PTPRT: variants seen among roughly 807,000 people sequenced by gnomAD.
The protein encoded by PTPRT is protein tyrosine phosphatase receptor type T.
In PTPRT, 56 loss-of-function variants were observed where a neutral mutation model predicts 176.8. That is an observed-to-expected ratio of 0.32 (90% CI 0.26 to 0.40). PTPRT has a LOEUF of 0.40. Ranked by LOEUF, PTPRT falls within the 10% of genes least tolerant of loss-of-function variation. The pLI, the probability that PTPRT is intolerant of heterozygous loss-of-function variation, is 1.00. For missense variants in PTPRT, 1,540 were observed against 1,908.2 expected (o/e 0.81, Z 3.60); for synonymous variants, 783 against 739.0 (o/e 1.06, Z -0.96).
At chr20:42,986,219 C>CCA (rs1983568392) in intron 1 of PTPRT, among the ~76,000 whole-genome samples, 2 of 152,208 alleles carry the variant, frequency 1.3e-5, no homozygotes, top group South Asian at 4.1e-4. Flanking sequence ...GAAATGGGAG[C>CCA]GGCCTCAAGC....
chr20:42,576,878 C>G lies in PTPRT; in HGVS notation c.1153+100988G>C, dbSNP rs62203793. Among the ~76,000 whole-genome samples the G allele has an allele frequency of 9.3e-3, 1,423 of 152,266 alleles. 15 individuals are homozygous for G. Among genetic ancestry groups the G allele is most frequent in the Middle Eastern group, 0.024 (7 of 294 alleles). ...CAAGGGGTTTCTGCCCCTCAACTAG[C>G]TGCTTCATCCACAGAGATGGCTGGT... On this transcript the variant is annotated intron_variant, in intron 7 of 30. Coordinates refer to ENST00000373187, the MANE Select transcript of PTPRT (RefSeq NM_007050.6).
chr20:42,640,363 G>A (rs527629653), intron 7 of PTPRT, among the ~76,000 whole-genome samples: 5 of 151,892 alleles, frequency 3.3e-5, no homozygotes, highest in African/African-American at 9.7e-5. Flanking sequence ...TTCATTCACT[G>A]GGCACCAATC....
intron 1 of PTPRT, among the ~76,000 whole-genome samples, chr20:43,091,394 A>T (rs1379153509): frequency 6.6e-6 from 1 of 151,582 alleles, no homozygotes; most frequent in African/African-American, 2.4e-5. Context: ...TCAAGGAGAA[A>T]ATTATTTTGA....
chr20:43,008,781 G>A (rs1330186379), intron 1 of PTPRT, among the ~76,000 whole-genome samples: 4 of 152,078 alleles, frequency 2.6e-5, no homozygotes, highest in Admixed American at 6.6e-5. Context: ...ACCCAAACTC[G>A]AATTAAGATA....
chr20:42,032,783 A>G, the PTPRT span, among the ~76,000 whole-genome samples: 90 of 151,638 alleles, frequency 5.9e-4, no homozygotes, highest in African/African-American at 2.1e-3. Flanking sequence ...TCTCCCTCTC[A>G]TCTCACTGGT....
intron 15 of PTPRT, among the ~76,000 whole-genome samples, chr20:42,235,714 A>G (rs1206223749): frequency 1.3e-5 from 2 of 152,210 alleles, no homozygotes; most frequent in Admixed American, 6.5e-5. Flanking sequence ...CAAAGCAAAG[A>G]CACTGGATGT....
chr20:42,996,461 T>C (rs1183043078), intron 1 of PTPRT, among the ~76,000 whole-genome samples: 3 of 152,150 alleles, frequency 2.0e-5, no homozygotes, highest in Non-Finnish European at 2.9e-5. Flanking sequence ...GTATCCGTGA[T>C]TGCTTCCTTC....
At chr20:42,121,165 C>T (rs1038198728) in intron 19 of PTPRT, among the ~76,000 whole-genome samples, 38 of 152,316 alleles carry the variant, frequency 2.5e-4, no homozygotes, top group African/African-American at 8.2e-4. Flanking sequence ...GTTTCTGCGT[C>T]CCTTGTACAT....
chr20:42,098,613 G>T, intron 26 of PTPRT, 61 bp from the exon 27 acceptor site: 3 of 1,600,388 alleles, frequency 1.9e-6, no homozygotes, highest in South Asian at 2.3e-5. Flanking sequence ...TTCTGATGAT[G>T]ATGAGGCCTG....
intron 1 of PTPRT, among the ~76,000 whole-genome samples, chr20:43,177,223 G>A (rs183869883): frequency 1.8e-3 from 271 of 152,262 alleles, no homozygotes; most frequent in African/African-American, 6.2e-3. Context: ...GAGAATTTGC[G>A]GGGAGCTGAG....
chr20:42,279,256 C>G (rs1234561553), intron 13 of PTPRT, among the ~76,000 whole-genome samples: 1 of 151,950 alleles, frequency 6.6e-6, no homozygotes, highest in Non-Finnish European at 1.5e-5. Context: ...TTTTGCTACC[C>G]TAATCAAACA....
At chr20:42,605,838 G>A (rs907827007) in intron 7 of PTPRT, among the ~76,000 whole-genome samples, 1 of 152,188 alleles carries the variant, frequency 6.6e-6, no homozygotes, top group Admixed American at 6.5e-5. Context: ...AGAATTACCT[G>A]GAGAATGTGT....
chr20:42,944,397 G>A (rs1382027608), intron 1 of PTPRT, among the ~76,000 whole-genome samples: 2 of 152,138 alleles, frequency 1.3e-5, no homozygotes, highest in East Asian at 3.9e-4. Flanking sequence ...TGACACTCCT[G>A]GAACAAAAAT....
chr20:42,806,349 T>C (rs1471033341), intron 2 of PTPRT, among the ~76,000 whole-genome samples: 1 of 152,010 alleles, frequency 6.6e-6, no homozygotes, highest in East Asian at 1.9e-4. Context: ...CTGTGCATGG[T>C]GGCGCACGAT....
rs376067619 is a variant in PTPRT, at chr20:42,463,301, T to G, written c.1450+8965A>C. On this transcript the variant is annotated intron_variant, in intron 8 of 30. Transcript: ENST00000373187. ...TTGTAATTCTTTAATGAATCCACAT[T>G]TTCCCTTTCCACAATTTCATTTCTT... 4.6e-5 allele frequency among the ~76,000 whole-genome samples: 7 copies of G among 152,306 alleles called. No individual in the cohort carries two copies. In the South Asian group the frequency reaches 1.0e-3, roughly 23 times the overall value.
chr20:42,662,959 T>C (rs950679940), intron 7 of PTPRT, among the ~76,000 whole-genome samples: 1 of 131,914 alleles, frequency 7.6e-6, no homozygotes, highest in African/African-American at 3.3e-5. Flanking sequence ...TCTCAATACC[T>C]GAATATATGT....
chr20:43,186,627 T>C (rs142581593), intron 1 of PTPRT, among the ~76,000 whole-genome samples: 94 of 152,322 alleles, frequency 6.2e-4, no homozygotes, highest in Non-Finnish European at 1.2e-3. Flanking sequence ...AGAAATTAAG[T>C]TGAGTAGAAA....
intron 18 of PTPRT, among the ~76,000 whole-genome samples, chr20:42,140,211 T>C (rs1988558087): frequency 6.6e-6 from 1 of 151,982 alleles, no homozygotes; most frequent in Non-Finnish European, 1.5e-5. Flanking sequence ...TAGAAATAAT[T>C]TGTCATTCAG....
chr20:42,034,116 C>T, the PTPRT span, among the ~76,000 whole-genome samples: 2 of 152,194 alleles, frequency 1.3e-5, no homozygotes, highest in Non-Finnish European at 2.9e-5. Context: ...CTGAGCACAA[C>T]TTAGCTGGGT....
Sources: allele counts gnomAD v4.1 joint callset (sites outside exome capture counted in the v4.1 genomes callset), GRCh38; gene constraint gnomAD v4.1.1; transcripts MANE v1.5; gene names NCBI Gene and HGNC (gene_info 2026-07-23, HGNC 2026-07-21).